Variants in MPP3 observed in about 807,000 individuals in gnomAD.
MPP3 encodes the protein MAGUK p55 scaffold protein 3.
Under a neutral mutation model 80.7 loss-of-function variants are expected in MPP3, and 48 were observed. The observed-to-expected ratio is 0.59, with a 90% CI of 0.47 to 0.76. MPP3 has a LOEUF of 0.76. Among genes scored for constraint, MPP3 ranks in the 30% least tolerant of loss-of-function variants. MPP3 has a pLI of 0.00. For synonymous variants in MPP3, 311 were observed against 297.6 expected, an observed-to-expected ratio of 1.04 and a Z score of -0.46; for missense variants, 620 against 763.0, an observed-to-expected ratio of 0.81 and a Z score of 2.21.
intron 6 of MPP3, 28 bp from the exon 7 acceptor site, chr17:43,829,819 G>A (rs1376156245): frequency 6.3e-7 from 1 of 1,594,298 alleles, no homozygotes; most frequent in Non-Finnish European, 8.5e-7. Context: ...GAAAAGGAAG[G>A]CTGGCCCGCC....
chr17:43,827,699 G>T, intron 8 of MPP3, 52 bp downstream of exon 8: 1 of 1,576,546 alleles, frequency 6.3e-7, no homozygotes, highest in Non-Finnish European at 8.7e-7. Flanking sequence ...GGAGGGCTCT[G>T]GAACAATGGC....
intron 9 of MPP3, 63 bp downstream of exon 9, chr17:43,825,692 AG>A: frequency 8.9e-7 from 1 of 1,121,538 alleles, no homozygotes; most frequent in Middle Eastern, 2.0e-4. Context: ...TCCTGGCTCC[AG>A]GAAGTGCCTT....
chr17:43,819,613 A>G (rs1942912496), intron 11 of MPP3, among the ~76,000 whole-genome samples: 1 of 151,988 alleles, frequency 6.6e-6, no homozygotes, highest in African/African-American at 2.4e-5. Context: ...AAGCTCCTCC[A>G]GGGCAGAAAC....
intron 9 of MPP3, among the ~76,000 whole-genome samples, chr17:43,824,318 T>C (rs2045597716): frequency 6.6e-6 from 1 of 152,190 alleles, no homozygotes; most frequent in Non-Finnish European, 1.5e-5. Flanking sequence ...CCAAGGACAC[T>C]ACGTGTTGAA....
rs1286212386 is a variant in MPP3, at chr17:43,810,906, T to A, written c.1359A>T (p.Glu453Asp). The change falls in exon 18 of 20, where the codon GAA (glutamate) becomes GAT (aspartate). Residue 453 changes from glutamate to aspartate, a missense_variant. By Grantham distance (45) the Glu-to-Asp change is conservative. Coordinates refer to ENST00000398389, the MANE Select transcript of MPP3 (RefSeq NM_001932.6). ...EADLHHNKFL[E>D]HGEYKENLYG... is the part of the protein sequence containing the mutation. ...ACAGATTTTCCTTATATTCACCATG[T>A]TCCAGGAACCTAAAACACCACCAAA... 1 of 1,603,656 alleles carries A rather than the reference T, an allele frequency of 6.2e-7. No individual in the cohort carries two copies.
rs946382191 is a variant in MPP3 at position 43,815,927 on chromosome 17, C to G, written c.1009+111G>C. On this transcript the variant is annotated intron_variant, in intron 14 of 19. Transcript: ENST00000398389. ...AGAGATGGGGGTCCCATAGGCTCCA[C>G]TGCTCCAGAAGGACTCCTGGGGCTC... The G allele has an allele frequency of 1.3e-5, 13 of 1,023,258 alleles. No homozygotes were observed. The Admixed American group carries it at 1.5e-4, about 12-fold the overall frequency. 63.4% of individuals were successfully genotyped at this position (1,023,258 alleles called of 1,614,324 possible).
chr17:43,827,875 C>T, intron 7 of MPP3, 43 bp from the exon 8 acceptor site: 1 of 1,586,992 alleles, frequency 6.3e-7, no homozygotes, highest in East Asian at 2.2e-5. Context: ...GCAGCAGCTC[C>T]AAACCTCAGA....
intron 16 of MPP3, 77 bp downstream of exon 16, chr17:43,813,934 G>T: frequency 8.4e-7 from 1 of 1,189,692 alleles, no homozygotes; most frequent in Non-Finnish European, 1.2e-6. Context: ...GGATTTGGAT[G>T]GATCTGGGGA....
intron 9 of MPP3, 115 bp from the exon 10 acceptor site, chr17:43,824,120 C>A: frequency 1.5e-6 from 1 of 668,106 alleles, no homozygotes; most frequent in South Asian, 2.1e-5. Context: ...TGCAGCCTCC[C>A]CTGAGGCCCA....
At position 43,820,605 on chromosome 17, in the gene MPP3, TACACAC is replaced by T. The variant is rs61249899; in HGVS notation, c.881+251_881+256del. ...GACTCTGTCTCAAAAAAAAAAAAAA[TACACAC>T]ACACACACACACACACACACACACA... is the stretch of plus-strand genomic sequence containing the variant. On this transcript the variant is annotated intron_variant, in intron 11 of 19. Coordinates refer to ENST00000398389, the MANE Select transcript of MPP3 (RefSeq NM_001932.6). Among the ~76,000 whole-genome samples the T allele has an allele frequency of 3.2e-3, 403 of 125,290 alleles. 3 individuals carry two copies. The highest frequency in any genetic ancestry group is 3.7e-3 in the Non-Finnish European group (214 of 57,844). 82.2% of individuals were successfully genotyped at this position (125,290 alleles called of 152,430 possible).
chr17:43,829,635 G>A lies in MPP3; in HGVS notation c.441+19C>T. ...GCAGGGGAAGAGTGGGTTAGAGAGG[G>A]GCAGGCAGCAGCACCTACCAGGGGT... On this transcript the variant is annotated intron_variant, in intron 7 of 19. Coordinates refer to ENST00000398389, the MANE Select transcript of MPP3 (RefSeq NM_001932.6). 1.2e-6 allele frequency: 2 copies of A among 1,612,192 alleles called. No individual in the cohort carries two copies. The highest frequency in any genetic ancestry group is 1.1e-5 in the South Asian group (1 of 91,046).
At chr17:43,818,267 G>A (rs1331499824) in intron 11 of MPP3, among the ~76,000 whole-genome samples, 157 bp from the exon 12 acceptor site, 2 of 152,212 alleles carry the variant, frequency 1.3e-5, no homozygotes, top group Admixed American at 6.5e-5. Flanking sequence ...AAGTTCCAAC[G>A]AAGGGAACAC....
chr17:43,823,616 G>A (rs8065043), intron 10 of MPP3, among the ~76,000 whole-genome samples: 43,848 of 152,090 alleles, frequency 0.29, 7,962 homozygotes, highest in African/African-American at 0.51. Flanking sequence ...AATGGCAGTT[G>A]CTTAATTGGT....
intron 18 of MPP3, among the ~76,000 whole-genome samples, chr17:43,809,462 A>G (rs1445981781): frequency 6.6e-6 from 1 of 152,234 alleles, no homozygotes; most frequent in East Asian, 1.9e-4. Flanking sequence ...GTCAAATGTC[A>G]TCAATCGGAC....
intron 5 of MPP3, 81 bp from the exon 6 acceptor site, chr17:43,830,188 G>T: frequency 9.7e-7 from 1 of 1,025,710 alleles, no homozygotes; most frequent in South Asian, 1.9e-5. Context: ...CTTTGGAAGG[G>T]CCCACCCAGC....
At chr17:43,828,175 C>T (rs774117395) in intron 7 of MPP3, among the ~76,000 whole-genome samples, 15 of 152,140 alleles carry the variant, frequency 9.9e-5, no homozygotes, top group Non-Finnish European at 1.8e-4. Flanking sequence ...TATCACAGTT[C>T]CTACCACTTG....
chr17:43,826,628 A>C (rs978290800), intron 8 of MPP3, among the ~76,000 whole-genome samples: 2 of 152,108 alleles, frequency 1.3e-5, no homozygotes, highest in African/African-American at 4.8e-5. Flanking sequence ...TACCCAAACG[A>C]ATCTGGGGCA....
In MPP3 at chr17:43,814,046, G is replaced by T. The variant is rs780729998; in HGVS notation, c.1220C>A (p.Ala407Asp). The T allele has an allele frequency of 5.6e-6, 9 of 1,613,604 alleles. No homozygotes were observed. The South Asian group carries it at 9.9e-5, about 18-fold the overall frequency. Residue 407 changes from alanine to aspartate, a missense_variant, in exon 16 of 20, where the codon GCT becomes GAT. Coordinates refer to ENST00000398389, the MANE Select transcript of MPP3 (RefSeq NM_001932.6). Reference protein sequence around the residue: ...RLHELKQKVVAENPQHFGVAV... With the variant: ...RLHELKQKVVDENPQHFGVAV... ...GACGCCAAAGTGCTGTGGGTTCTCAGCCACCACCTTTTGCTTCAGCTCGTG... is the reference window on the plus strand; with the variant it reads ...GACGCCAAAGTGCTGTGGGTTCTCATCCACCACCTTTTGCTTCAGCTCGTG...
intron 5 of MPP3, among the ~76,000 whole-genome samples, chr17:43,830,847 G>A (rs933079497): frequency 2.6e-5 from 4 of 152,198 alleles, no homozygotes; most frequent in African/African-American, 9.7e-5. Flanking sequence ...GCCAGTATGC[G>A]GGGACACACT....
Sources: allele counts gnomAD v4.1 joint callset (sites outside exome capture counted in the v4.1 genomes callset), GRCh38; gene constraint gnomAD v4.1.1; transcripts MANE v1.5; gene names NCBI Gene and HGNC (gene_info 2026-07-23, HGNC 2026-07-21).